ASIC2: variants seen among roughly 807,000 people sequenced by gnomAD.
The protein encoded by ASIC2 is acid sensing ion channel subunit 2, also known as acid-sensing ion channel 2.
A neutral mutation model predicts 57.3 loss-of-function variants in ASIC2; 25 were observed. The observed-to-expected ratio is 0.44, with a 90% CI of 0.32 to 0.61. ASIC2 has a LOEUF of 0.61. Ranked by LOEUF, ASIC2 falls within the 20% of genes least tolerant of loss-of-function variation. ASIC2 has a pLI of 0.06. For missense variants in ASIC2, 641 were observed against 738.1 expected (o/e 0.87, Z 1.52); for synonymous variants, 319 against 307.5 (o/e 1.04, Z -0.39).
At chr17:34,107,460 G>A (rs1911102834) in intron 1 of ASIC2, among the ~76,000 whole-genome samples, 1 of 152,180 alleles carries the variant, frequency 6.6e-6, no homozygotes, top group Admixed American at 6.5e-5. Flanking sequence ...AATAAGCTGT[G>A]ATCACGCCAC....
intron 1 of ASIC2, among the ~76,000 whole-genome samples, chr17:33,131,125 G>T (rs924935194): frequency 2.0e-5 from 3 of 152,136 alleles, no homozygotes; most frequent in Non-Finnish European, 2.9e-5. Context: ...AAGGGGAGAC[G>T]AGCCCATGCA....
Position 33,058,485 on chromosome 17 carries a change from A to C in ASIC2, c.988-30093T>G, listed in dbSNP as rs1449632069. ...TCTGAGAAGTCAAAAAAAAAAAAAA[A>C]AAAAAACAAAACCCAAAACAACAAC... On this transcript the variant is annotated intron_variant, in intron 3 of 9. Transcript: ENST00000225823. Among the ~76,000 whole-genome samples the C allele has an allele frequency of 5.9e-5, 9 of 151,638 alleles. No homozygotes were observed. The East Asian group carries it at 7.7e-4, about 13-fold the overall frequency.
intron 1 of ASIC2, among the ~76,000 whole-genome samples, chr17:33,493,143 C>T (rs1476565948): frequency 6.6e-6 from 1 of 152,112 alleles, no homozygotes; most frequent in Non-Finnish European, 1.5e-5. Flanking sequence ...GGTCACTGGG[C>T]CCAGCAAACA....
intron 1 of ASIC2, among the ~76,000 whole-genome samples, chr17:33,184,588 C>T (rs1008597673): frequency 5.9e-5 from 9 of 152,158 alleles, no homozygotes; most frequent in African/African-American, 1.9e-4. Context: ...AGCAGTGCCA[C>T]GTTGCCTGCT....
chr17:33,099,120 G>C (rs1404700495), intron 2 of ASIC2, among the ~76,000 whole-genome samples: 5 of 151,864 alleles, frequency 3.3e-5, no homozygotes, highest in African/African-American at 9.7e-5. Flanking sequence ...AACTGCCCGA[G>C]TAGCTGGGAT....
At chr17:33,190,648 A>G (rs929323966) in intron 1 of ASIC2, among the ~76,000 whole-genome samples, 8 of 152,198 alleles carry the variant, frequency 5.3e-5, no homozygotes, top group East Asian at 1.9e-4. Flanking sequence ...TATAATAACC[A>G]AGACTTTGTG....
At chr17:33,235,473 T>C (rs778400928) in intron 1 of ASIC2, among the ~76,000 whole-genome samples, 2 of 152,212 alleles carry the variant, frequency 1.3e-5, no homozygotes, top group Non-Finnish European at 2.9e-5. Flanking sequence ...CCTCAAATCA[T>C]TTTTGTAATG....
rs9892161 is a variant in ASIC2 at position 33,029,724 on chromosome 17, G to T, written c.988-1332C>A. On this transcript the variant is annotated intron_variant, in intron 3 of 9. Transcript: ENST00000225823. ...AAACTGCCCAACTGTTATCCAAAGT[G>T]GTTCTTCTATTTTATATTTCCACCA... Among the ~76,000 whole-genome samples the T allele has an allele frequency of 9.7e-3, 1,473 of 152,258 alleles. 29 individuals are homozygous for T. The highest frequency in any genetic ancestry group is 0.033 in the African/African-American group (1,354 of 41,556).
intron 1 of ASIC2, among the ~76,000 whole-genome samples, chr17:33,217,372 C>G (rs1454594378): frequency 6.6e-6 from 1 of 152,182 alleles, no homozygotes; most frequent in African/African-American, 2.4e-5. Flanking sequence ...TTGTGATTTG[C>G]TTTTGTATAT....
chr17:33,178,640 T>C (rs1905856103), intron 1 of ASIC2, among the ~76,000 whole-genome samples: 1 of 152,158 alleles, frequency 6.6e-6, no homozygotes, highest in Non-Finnish European at 1.5e-5. Flanking sequence ...CAGTGTGCAG[T>C]GGGCGTGCTA....
At chr17:33,543,796 C>T (rs1475751684) in intron 1 of ASIC2, among the ~76,000 whole-genome samples, 4 of 152,192 alleles carry the variant, frequency 2.6e-5, no homozygotes, top group Admixed American at 6.5e-5. Context: ...CTGCCCAGGG[C>T]ACAGAGCTAG....
intron 1 of ASIC2, among the ~76,000 whole-genome samples, chr17:34,145,924 A>C (rs958358878): frequency 1.3e-5 from 2 of 152,204 alleles, no homozygotes; most frequent in Non-Finnish European, 2.9e-5. Flanking sequence ...TTCAGGAAGA[A>C]ATGGAAGTGA....
chr17:33,803,465 C>T (rs1049457139), intron 1 of ASIC2, among the ~76,000 whole-genome samples: 4 of 151,982 alleles, frequency 2.6e-5, no homozygotes, highest in Non-Finnish European at 5.9e-5. Flanking sequence ...TAAGAGTGTA[C>T]CCCAGGGCAT....
At chr17:33,539,697 G>A (rs1397518871) in intron 1 of ASIC2, among the ~76,000 whole-genome samples, 2 of 152,190 alleles carry the variant, frequency 1.3e-5, no homozygotes, top group African/African-American at 4.8e-5. Flanking sequence ...CTCATAGGAA[G>A]CTCAGCTCAA....
intron 1 of ASIC2, among the ~76,000 whole-genome samples, chr17:33,566,953 T>C (rs2141988299): frequency 6.6e-6 from 1 of 152,228 alleles, no homozygotes. Context: ...CCCTTGCTCT[T>C]TTTCCCCTGG....
chr17:33,398,850 C>T (rs569910411), intron 1 of ASIC2, among the ~76,000 whole-genome samples: 13 of 152,152 alleles, frequency 8.5e-5, no homozygotes, highest in Admixed American at 8.5e-4. Flanking sequence ...CAACTCAAGT[C>T]TTATTGTCCA....
chr17:33,428,626 G>C (rs940986542), intron 1 of ASIC2, among the ~76,000 whole-genome samples: 1 of 152,136 alleles, frequency 6.6e-6, no homozygotes, highest in Admixed American at 6.5e-5. Flanking sequence ...GAGGGAAGAA[G>C]AGAGGTCCAG....
chr17:33,885,603 C>T (rs940931329), intron 1 of ASIC2, among the ~76,000 whole-genome samples: 2 of 152,204 alleles, frequency 1.3e-5, no homozygotes, highest in African/African-American at 4.8e-5. Flanking sequence ...CTTGAGGTCA[C>T]ACCATCATAA....
chr17:33,435,352 A>G (rs760913592), intron 1 of ASIC2, among the ~76,000 whole-genome samples: 3 of 152,228 alleles, frequency 2.0e-5, no homozygotes, highest in Non-Finnish European at 2.9e-5. Context: ...GTAAATAGCA[A>G]AGAAATCACC....
Sources: gnomAD v4.1 joint callset for allele counts (sites outside exome capture counted in the v4.1 genomes callset) on GRCh38, gnomAD v4.1.1 for gene constraint, MANE v1.5 for transcripts, NCBI Gene and HGNC (gene_info 2026-07-23, HGNC 2026-07-21) for gene names.